Variants in ZNF99 observed in about 807,000 individuals in gnomAD.
ZNF99 encodes zinc finger protein 99, also known as zinc finger protein ENSP00000375192.
In ZNF99, 8 loss-of-function variants were observed where a neutral mutation model predicts 12.8. That is an observed-to-expected ratio of 0.62 (90% CI 0.37 to 1.13). ZNF99 has a LOEUF of 1.13. Ranked by LOEUF, ZNF99 falls within the 50% of genes most tolerant of loss-of-function variation. The pLI is 0.02. For synonymous variants in ZNF99, 318 were observed against 319.0 expected (o/e 1.00, Z 0.03); for missense variants, 1,007 against 1,006.2 (o/e 1.00, Z -0.01).
chr19:22,759,440 A>G lies in ZNF99; in HGVS notation c.469T>C (p.Tyr157His), dbSNP rs765451713. Residue 157 changes from tyrosine (Y) to histidine (H), a missense_variant, in exon 4 of 4, where the codon TAT becomes CAT. By Grantham distance (83) the Tyr-to-His change is moderately conservative. Transcript: ENST00000596209. ...CNKYVKVFHKYSNSNRYKIRH... is the reference protein window; with the variant it reads ...CNKYVKVFHKHSNSNRYKIRH... Reference sequence around the variant, plus strand: ...ATCTTATATCTATTTGAATTTGAATATTTATGAAAGACTTTCACATATTTG... The same window carrying G: ...ATCTTATATCTATTTGAATTTGAATGTTTATGAAAGACTTTCACATATTTG... The G allele has an allele frequency of 1.4e-5, 22 of 1,595,138 alleles. 1 individual carries two copies. In the South Asian group the frequency reaches 2.3e-4, roughly 17 times the overall value.
At chr19:22,767,850 T>C (rs761825613) in intron 3 of ZNF99, among the ~76,000 whole-genome samples, 2 of 152,182 alleles carry the variant, frequency 1.3e-5, no homozygotes, top group Non-Finnish European at 2.9e-5. Flanking sequence ...AAGAAGTATA[T>C]GCCGGTATCT....
At chr19:22,762,701 C>T (rs1234462997) in intron 3 of ZNF99, among the ~76,000 whole-genome samples, 5 of 152,126 alleles carry the variant, frequency 3.3e-5, no homozygotes. Context: ...AAACCACAGA[C>T]TGACGTCCCT....
At chr19:22,780,863 A>G (rs1973379776) in intron 1 of ZNF99, among the ~76,000 whole-genome samples, 1 of 152,176 alleles carries the variant, frequency 6.6e-6, no homozygotes, top group Non-Finnish European at 1.5e-5. Context: ...TCATGAATCT[A>G]AGGAACTCAC....
chr19:22,772,727 T>C (rs1228653146), intron 1 of ZNF99, among the ~76,000 whole-genome samples: 2 of 151,884 alleles, frequency 1.3e-5, no homozygotes, highest in Non-Finnish European at 1.5e-5. Flanking sequence ...CTCATTTTAG[T>C]GTCTCTATAA....
rs1400687743 is a variant in ZNF99 at position 22,754,520 on chromosome 19, T to C, written c.*2794A>G. The stretch of plus-strand genomic sequence containing the variant: ...TTTATCTTCTGTATGAATTCTCTTA[T>C]ATTTAGTATGAGTTGAAGACCAGTT... On this transcript the variant is annotated 3_prime_UTR_variant, in exon 4 of 4. Coordinates refer to ENST00000596209, the MANE Select transcript of ZNF99 (RefSeq NM_001080409.3). The C allele has an allele frequency of 2.3e-6, 1 of 428,824 alleles. No individual in the cohort carries two copies. 26.6% of individuals were successfully genotyped at this position (428,824 alleles called of 1,614,324 possible).
intron 1 of ZNF99, among the ~76,000 whole-genome samples, chr19:22,773,402 G>A (rs1973293309): frequency 6.6e-6 from 1 of 152,172 alleles, no homozygotes; most frequent in South Asian, 2.1e-4. Flanking sequence ...GTCTGCTTAA[G>A]AGACTGCAAA....
intron 3 of ZNF99, among the ~76,000 whole-genome samples, chr19:22,764,121 C>A (rs188689872): frequency 6.6e-6 from 1 of 151,778 alleles, no homozygotes; most frequent in Non-Finnish European, 1.5e-5. Flanking sequence ...ATTGGCCAGG[C>A]TGGTCTTGAA....
At chr19:22,768,452 T>C (rs949094408) in intron 2 of ZNF99, 52 bp from the exon 3 acceptor site, 2 of 1,468,444 alleles carry the variant, frequency 1.4e-6, no homozygotes, top group East Asian at 2.4e-5. Flanking sequence ...CCCCAAATAA[T>C]GTGCTCATTA....
At chr19:22,772,602 G>A (rs372236143) in intron 1 of ZNF99, among the ~76,000 whole-genome samples, 6 of 151,810 alleles carry the variant, frequency 4.0e-5, no homozygotes, top group Non-Finnish European at 7.4e-5. Flanking sequence ...ACCTGAACCC[G>A]GGAGGCAGGG....
chr19:22,753,400 A>G lies in ZNF99; in HGVS notation c.*3914T>C, dbSNP rs1949091536. 1 of 151,018 alleles carries G rather than the reference A, an allele frequency of 6.6e-6. No homozygotes were observed. The highest frequency in any genetic ancestry group is 1.5e-5 in the Non-Finnish European group (1 of 67,914). The allele number at this position is 151,018 out of a possible 1,614,324, so 9.4% of individuals were successfully genotyped here. A position where few individuals can be genotyped will look rare whatever the true frequency, so the allele number is the denominator to read the frequency against. ...TTACAGAGTTAATTTTGGATTGAAT[A>G]TTTTTCATATTTACTGCATCTACAA... On this transcript the variant is annotated 3_prime_UTR_variant, in exon 4 of 4. Transcript: ENST00000596209.
intron 1 of ZNF99, chr19:22,770,418 G>A (rs1205117648): frequency 2.6e-5 from 4 of 152,132 alleles, no homozygotes; most frequent in Non-Finnish European, 5.8e-5. Flanking sequence ...GTGCAGTGGC[G>A]CGATCTCGAC....
rs748715260 is a variant in ZNF99 at position 22,759,021 on chromosome 19, T to C, written c.888A>G (p.Gln296=). The change falls in exon 4 of 4, where the codon CAA becomes CAG. Residue 296 remains glutamine, a synonymous_variant. Coordinates refer to ENST00000596209, the MANE Select transcript of ZNF99 (RefSeq NM_001080409.3). ...CTTTATGTCTAGTAAGGTGTGAGGA[T>C]TGCTTAAAAGCTTTGCCACATTCTT... The part of the protein sequence containing the change: ...KCEECGKAFK[Q]SSHLTRHKAI... The C allele has an allele frequency of 1.7e-5, 28 of 1,612,784 alleles. No individual in the cohort carries two copies. The highest frequency in any genetic ancestry group is 1.6e-4 in the Middle Eastern group (1 of 6,078).
intron 1 of ZNF99, chr19:22,771,086 C>A (rs914298447): frequency 1.3e-5 from 2 of 151,432 alleles, no homozygotes; most frequent in African/African-American, 4.9e-5. Flanking sequence ...TTACAGGTGC[C>A]CCACACCACG....
In ZNF99 at chr19:22,757,459, T is replaced by C. The variant is rs748472399; in HGVS notation, c.2450A>G (p.Tyr817Cys). The C allele has an allele frequency of 2.4e-5, 39 of 1,610,728 alleles. No homozygotes were observed. The East Asian group carries it at 6.0e-4, about 25-fold the overall frequency. ...HEIIHTGEKS[Y>C]KCEECGKAFQ... ...AGCTTTACCACATTCTTCACATTTG[T>C]AGGATTTCTCTCCAGTATGAATTAT... is the stretch of plus-strand genomic sequence containing the variant. The change falls in exon 4 of 4, where the codon TAC (tyrosine) becomes TGC (cysteine). Residue 817 changes from tyrosine to cysteine, a missense_variant. Coordinates refer to ENST00000596209, the MANE Select transcript of ZNF99 (RefSeq NM_001080409.3).
In ZNF99 at chr19:22,757,077, T is replaced by G. The variant is rs1973071942; in HGVS notation, c.*237A>C. On this transcript the variant is annotated 3_prime_UTR_variant, in exon 4 of 4. Transcript: ENST00000596209. ...CTAGTATGAATTAGCTTATGTTTCT[T>G]AAGGGTTGAGGAATTGTTAAAAGCT... 3 of 1,613,022 alleles carry G rather than the reference T, an allele frequency of 1.9e-6. No individual in the cohort carries two copies. Among genetic ancestry groups the G allele is most frequent in the Non-Finnish European group, 1.7e-6 (2 of 1,179,318 alleles).
intron 1 of ZNF99, among the ~76,000 whole-genome samples, chr19:22,783,811 G>T (rs1051020370): frequency 6.6e-6 from 1 of 152,182 alleles, no homozygotes; most frequent in African/African-American, 2.4e-5. Flanking sequence ...TCACAGTGCA[G>T]GAAGGAGGCA....
chr19:22,757,401 C>G lies in ZNF99; in HGVS notation c.2508G>C (p.Lys836Asn). ...FQWSSKLTLHKVIHMERNPAN... is the reference protein window; with the variant it reads ...FQWSSKLTLHNVIHMERNPAN... Reference sequence around the variant, plus strand: ...CAGGGTTTCTCTCCATATGAATTACCTTATGTAAAGTAAGTTTTGAGGACC... The same window carrying G: ...CAGGGTTTCTCTCCATATGAATTACGTTATGTAAAGTAAGTTTTGAGGACC... Residue 836 changes from lysine to asparagine, a missense_variant, in exon 4 of 4, where the codon AAG becomes AAC. Transcript: ENST00000596209. 6.2e-7 allele frequency: 1 copy of G among 1,608,488 alleles called. No homozygotes were observed. The highest frequency in any genetic ancestry group is 8.5e-7 in the Non-Finnish European group (1 of 1,178,690).
At chr19:22,766,296 A>C (rs560962690) in intron 3 of ZNF99, among the ~76,000 whole-genome samples, 2 of 150,640 alleles carry the variant, frequency 1.3e-5, no homozygotes, top group African/African-American at 4.9e-5. Flanking sequence ...AAAAAAAAAA[A>C]CATAAAACAT....
At chr19:22,769,926 T>C in intron 1 of ZNF99, 4 of 1,361,138 alleles carry the variant, frequency 2.9e-6, no homozygotes, top group African/African-American at 1.5e-5. Context: ...CATTTTTGAG[T>C]GCTATTTTTA....
Sources: gnomAD v4.1 joint callset for allele counts (sites outside exome capture counted in the v4.1 genomes callset) on GRCh38, gnomAD v4.1.1 for gene constraint, MANE v1.5 for transcripts, NCBI Gene and HGNC (gene_info 2026-07-23, HGNC 2026-07-21) for gene names.